Variants in CWC22 observed in about 807,000 individuals in gnomAD.
The protein encoded by CWC22 is CWC22 spliceosome associated protein, also known as pre-mRNA-splicing factor CWC22 homolog.
In CWC22, 53 loss-of-function variants were observed where a neutral mutation model predicts 117.2. That is an observed-to-expected ratio of 0.45 (90% CI 0.36 to 0.57). The LOEUF is 0.57. CWC22 is among the 20% of genes least tolerant of loss of function. The pLI, the probability that CWC22 is intolerant of heterozygous loss-of-function variation, is 0.00. For synonymous variants in CWC22, 360 were observed against 355.6 expected (o/e 1.01, Z -0.14); for missense variants, 980 against 1,068.8 (o/e 0.92, Z 1.16).
intron 1 of CWC22, among the ~76,000 whole-genome samples, chr2:180,006,420 T>C (rs1176448016): frequency 6.6e-6 from 1 of 152,176 alleles, no homozygotes; most frequent in Non-Finnish European, 1.5e-5. Context: ...AGTTATTACC[T>C]CACTGGAGAT....
chr2:180,005,686 C>T (rs1309678286), intron 1 of CWC22, among the ~76,000 whole-genome samples: 1 of 152,202 alleles, frequency 6.6e-6, no homozygotes, highest in African/African-American at 2.4e-5. Flanking sequence ...GAGAACTCAT[C>T]AACTGTATCA....
At chr2:179,998,731 T>C (rs1687771969) in intron 1 of CWC22, among the ~76,000 whole-genome samples, 1 of 151,938 alleles carries the variant, frequency 6.6e-6, no homozygotes, top group Non-Finnish European at 1.5e-5. Flanking sequence ...TCATAGTAAT[T>C]TTAAGGATTC....
intron 1 of CWC22, among the ~76,000 whole-genome samples, chr2:180,004,500 T>C (rs185556739): frequency 6.6e-6 from 1 of 152,180 alleles, no homozygotes; most frequent in Admixed American, 6.5e-5. Context: ...TAAGTGATTG[T>C]CGTGCCTCAG....
intron 1 of CWC22, among the ~76,000 whole-genome samples, chr2:180,005,610 A>G (rs1311758795): frequency 6.6e-6 from 1 of 152,056 alleles, no homozygotes; most frequent in Non-Finnish European, 1.5e-5. Context: ...ACAAAAAACA[A>G]CTGGAAGGAC....
chr2:179,971,125 A>T lies in CWC22; in HGVS notation c.805-49T>A, dbSNP rs762289577. 2.4e-6 allele frequency: 3 copies of T among 1,232,524 alleles called. No homozygotes were observed. In the South Asian group the frequency reaches 5.2e-5, roughly 21 times the overall value. The allele number at this position is 1,232,524 out of a possible 1,614,324, so 76.3% of individuals were successfully genotyped here. A position where few individuals can be genotyped will look rare whatever the true frequency, so the allele number is the denominator to read the frequency against. On this transcript the variant is annotated intron_variant, in intron 8 of 19. Coordinates refer to ENST00000410053, the MANE Select transcript of CWC22 (RefSeq NM_020943.3). ...GAAGAAACAAAATGCTTTTACATACATTAAATTATTTTTATAATTTCTAAA... is the reference window on the plus strand; with the variant it reads ...GAAGAAACAAAATGCTTTTACATACTTTAAATTATTTTTATAATTTCTAAA...
intron 1 of CWC22, among the ~76,000 whole-genome samples, chr2:179,994,393 G>A (rs1198376837): frequency 6.6e-6 from 1 of 152,082 alleles, no homozygotes; most frequent in African/African-American, 2.4e-5. Flanking sequence ...AACACTGAAA[G>A]CCAGATATCC....
intron 15 of CWC22, 151 bp downstream of exon 15, chr2:179,954,806 G>T (rs1575639004): frequency 1.7e-6 from 1 of 571,494 alleles, no homozygotes; most frequent in African/African-American, 1.9e-5. Context: ...AAAGAGGAAG[G>T]TGAAGAGAGT....
At chr2:179,957,146 T>C (rs1472069198) in intron 14 of CWC22, among the ~76,000 whole-genome samples, 1 of 152,144 alleles carries the variant, frequency 6.6e-6, no homozygotes, top group East Asian at 1.9e-4. Context: ...CATGACAAGA[T>C]CATACAGTAA....
intron 3 of CWC22, among the ~76,000 whole-genome samples, chr2:179,987,337 G>A (rs1687443537): frequency 6.6e-6 from 1 of 152,034 alleles, no homozygotes. Context: ...TCTGTTATTT[G>A]AATCTTAAAA....
Position 179,965,904 on chromosome 2 carries a change from T to G in CWC22, c.1289A>C (p.Glu430Ala). The change falls in exon 12 of 20, where the codon GAG becomes GCG. Residue 430 changes from glutamate to alanine, a missense_variant. Coordinates refer to ENST00000410053, the MANE Select transcript of CWC22 (RefSeq NM_020943.3). ...TTCTTCATCTTCTTCTCCCTCTTCC[T>G]CTTCTTCTTCCTCGTCCTCTTCACT... is the stretch of plus-strand genomic sequence containing the variant. Reference protein sequence around the residue: ...GSSEEDEEEEEEEGEEDEEGQ... With the variant: ...GSSEEDEEEEAEEGEEDEEGQ... 6.3e-7 allele frequency: 1 copy of G among 1,578,212 alleles called. No homozygotes were observed. The highest frequency in any genetic ancestry group is 8.7e-7 in the Non-Finnish European group (1 of 1,147,766).
chr2:179,982,146 A>G, intron 4 of CWC22, 149 bp from the exon 5 acceptor site: 1 of 610,544 alleles, frequency 1.6e-6, no homozygotes, highest in Non-Finnish European at 2.9e-6. Context: ...TGTTTCACAG[A>G]GAAAATTCAA....
rs1179377357 is a variant in CWC22, at chr2:179,966,085, TA to T, written c.1211-104del. 4.8e-6 allele frequency: 4 copies of T among 838,284 alleles called. No homozygotes were observed. The African/African-American group carries it at 6.9e-5, about 14-fold the overall frequency. The allele number at this position is 838,284 out of a possible 1,614,324, so 51.9% of individuals were successfully genotyped here. On this transcript the variant is annotated intron_variant, in intron 11 of 19. Transcript: ENST00000410053. ...CAGTTCGTTGAAATCCACTGTGGTG[TA>T]ACAGTTTGCTAGCCAACAAAGATAA...
At position 179,945,443 on chromosome 2, in the gene CWC22, C is replaced by T; in HGVS notation, c.2413G>A (p.Asp805Asn). ...TCCAAATCTATATGCATTTCTTGGT[C>T]TCTGTCATTCGCAACTCTACTGTAG... The part of the protein sequence containing the change: ...NNYSRVANDR[D>N]QEMHIDLENK... Residue 805 changes from aspartate (D) to asparagine (N), a missense_variant, in exon 20 of 20, where the codon GAC becomes AAC. Transcript: ENST00000410053. 2 of 1,612,834 alleles carry T rather than the reference C, an allele frequency of 1.2e-6. No homozygotes were observed. Among genetic ancestry groups the T allele is most frequent in the South Asian group, 1.1e-5 (1 of 91,042 alleles).
chr2:179,958,094 G>C (rs1686644595), intron 14 of CWC22, among the ~76,000 whole-genome samples: 1 of 151,980 alleles, frequency 6.6e-6, no homozygotes, highest in Admixed American at 6.6e-5. Context: ...GCCTTGGGAG[G>C]CCGAGGCAGG....
At chr2:179,973,276 T>C in intron 7 of CWC22, 30 bp from the exon 8 acceptor site, 3 of 1,544,790 alleles carry the variant, frequency 1.9e-6, no homozygotes, top group Non-Finnish European at 2.7e-6. Context: ...AGTTAACCTA[T>C]AAACTAAACC....
At chr2:179,978,401 C>A in intron 5 of CWC22, 83 bp from the exon 6 acceptor site, 1 of 1,285,726 alleles carries the variant, frequency 7.8e-7, no homozygotes, top group South Asian at 2.7e-5. Context: ...ACATAGTGCT[C>A]CTTAATTTTT....
intron 16 of CWC22, 137 bp from the exon 17 acceptor site, chr2:179,952,735 C>A (rs1686484943): frequency 2.1e-6 from 1 of 466,470 alleles, no homozygotes; most frequent in Non-Finnish European, 3.7e-6. Flanking sequence ...CTCTGAATAT[C>A]TCCCCTTATG....
chr2:179,967,023 G>C (rs1419301772), intron 11 of CWC22, among the ~76,000 whole-genome samples: 2 of 152,164 alleles, frequency 1.3e-5, no homozygotes, highest in Non-Finnish European at 2.9e-5. Flanking sequence ...GTGAATTCAA[G>C]AGATAATCTG....
At position 179,950,873 on chromosome 2, in the gene CWC22, G is replaced by A. The variant is rs1399443107; in HGVS notation, c.1871C>T (p.Thr624Ile). ...GLLPRDNPRNTRFAINFFTSI... is the reference protein window; with the variant it reads ...GLLPRDNPRNIRFAINFFTSI... ...AGTAAAGAAGTTGATGGCAAACCGA[G>A]TGTTTCTTGGATTATCTCGGGGTAA... is the stretch of plus-strand genomic sequence containing the variant. Residue 624 changes from threonine to isoleucine, a missense_variant, in exon 18 of 20, where the codon ACT becomes ATT. Thr to Ile is a moderately conservative substitution (Grantham distance 89). This residue lies in a region of CWC22 where 115 missense variants were observed against 169.8 expected (regional missense o/e 0.68). Coordinates refer to ENST00000410053, the MANE Select transcript of CWC22 (RefSeq NM_020943.3). 1 of 1,593,842 alleles carries A rather than the reference G, an allele frequency of 6.3e-7. No homozygotes were observed. The highest frequency in any genetic ancestry group is 1.1e-5 in the South Asian group (1 of 88,550).
Sources: allele counts gnomAD v4.1 joint callset (sites outside exome capture counted in the v4.1 genomes callset), GRCh38; gene constraint gnomAD v4.1.1; regional missense constraint gnomAD v4.1.1; transcripts MANE v1.5; gene names NCBI Gene and HGNC (gene_info 2026-07-23, HGNC 2026-07-21).